RACGAP1: variants seen among roughly 807,000 people sequenced by gnomAD.
RACGAP1 encodes the protein Rac GTPase activating protein 1, also known as rac GTPase-activating protein 1.
In RACGAP1, 30 loss-of-function variants were observed where a neutral mutation model predicts 78.1. The ratio of observed to expected loss-of-function variants is 0.38; its 90% CI spans 0.29 to 0.52. The LOEUF is 0.52. Among genes scored for constraint, RACGAP1 ranks in the 20% least tolerant of loss-of-function variants. RACGAP1 has a pLI of 0.82. For synonymous variants in RACGAP1, 231 were observed against 264.8 expected, an observed-to-expected ratio of 0.87 and a Z score of 1.24; for missense variants, 587 against 777.1, an observed-to-expected ratio of 0.76 and a Z score of 2.91.
intron 1 of RACGAP1, among the ~76,000 whole-genome samples, chr12:50,022,142 T>C (rs1026495521): frequency 6.6e-6 from 1 of 152,226 alleles, no homozygotes; most frequent in Non-Finnish European, 1.5e-5. Flanking sequence ...TGGTCTTCCA[T>C]CCTTCAAGGT....
At chr12:50,004,193 G>C (rs1286612489) in intron 5 of RACGAP1, 42 bp downstream of exon 5, 8 of 1,582,074 alleles carry the variant, frequency 5.1e-6, no homozygotes. Context: ...GGAAGCAGAG[G>C]TAAGAAAAGT....
chr12:50,002,330 T>G (rs201400489), intron 5 of RACGAP1, 30 bp from the exon 6 acceptor site: 1 of 1,601,490 alleles, frequency 6.2e-7, no homozygotes, highest in Non-Finnish European at 8.5e-7. Flanking sequence ...ATTAATTTCT[T>G]TTTTTGGTTA....
At chr12:50,025,661 T>G (rs905803589), upstream of RACGAP1, 45 of 498,458 alleles carry the variant, frequency 9.0e-5, no homozygotes, top group Admixed American at 4.9e-4. Context: ...GGTTTTTCGG[T>G]TTTTTTTGTT....
rs1375934719 is a variant in RACGAP1, at chr12:49,992,708, G to A, written c.1340-53C>T. On this transcript the variant is annotated intron_variant, in intron 12 of 16. Coordinates refer to ENST00000312377, the MANE Select transcript of RACGAP1 (RefSeq NM_001319999.2). ...GCCTAGACTTCTTTCCCTTGACAGCGGGCTTCCAAGTTATCGACCACAAAG... is the reference window on the plus strand; with the variant it reads ...GCCTAGACTTCTTTCCCTTGACAGCAGGCTTCCAAGTTATCGACCACAAAG... 17 of 1,420,086 alleles carry A rather than the reference G, an allele frequency of 1.2e-5. No individual in the cohort carries two copies. In the Admixed American group the frequency reaches 1.4e-4, roughly 11 times the overall value. The allele number at this position is 1,420,086 out of a possible 1,614,324, so 88.0% of individuals were successfully genotyped here. A position where few individuals can be genotyped will look rare whatever the true frequency, so the allele number is the denominator to read the frequency against.
Position 50,002,288 on chromosome 12 carries a change from AAG to A in RACGAP1, c.506_507del (p.Ser169PhefsTer18). 6.2e-7 allele frequency: 1 copy of A among 1,613,622 alleles called. No individual in the cohort carries two copies. The highest frequency in any genetic ancestry group is 2.2e-5 in the East Asian group (1 of 44,842). On this transcript the variant is annotated frameshift_variant, in exon 6 of 17. Coordinates refer to ENST00000312377, the MANE Select transcript of RACGAP1 (RefSeq NM_001319999.2). LOFTEE classifies it high-confidence loss of function. Reference sequence around the variant, plus strand: ...TTCAGTTTGAAAGTCTTCACCAAAGAAGAGTCCCAATCCTGTTGACAATTACA... The same window carrying A: ...TTCAGTTTGAAAGTCTTCACCAAAGAAGTCCCAATCCTGTTGACAATTACA... ...DKTDESLDWD[S>X]SLVKTFKLKK...
At chr12:50,029,651 T>C (rs1327374159), upstream of RACGAP1, among the ~76,000 whole-genome samples, 2 of 152,008 alleles carry the variant, frequency 1.3e-5, no homozygotes, top group East Asian at 3.9e-4. Flanking sequence ...CCCAGAACTT[T>C]GGGAGGCCGA....
At chr12:49,990,492 A>C (rs1947761175) in intron 16 of RACGAP1, 149 bp from the exon 17 acceptor site, 3 of 833,902 alleles carry the variant, frequency 3.6e-6, no homozygotes. Context: ...AGTCACCAAC[A>C]ACGAGAGAGG....
At chr12:50,021,587 C>G (rs893367149) in intron 1 of RACGAP1, among the ~76,000 whole-genome samples, 1 of 152,196 alleles carries the variant, frequency 6.6e-6, no homozygotes, top group Non-Finnish European at 1.5e-5. Context: ...TGGGAAAAGT[C>G]TCTATCCTCT....
upstream of RACGAP1, chr12:50,033,138 T>A (rs2137782593): frequency 6.6e-6 from 1 of 152,634 alleles, no homozygotes; most frequent in Middle Eastern, 3.4e-3. Flanking sequence ...GGGTTCCGCC[T>A]CCCATGGCCT....
chr12:49,998,989 T>A (rs1283651022), intron 9 of RACGAP1, 152 bp downstream of exon 9: 1 of 963,220 alleles, frequency 1.0e-6, no homozygotes, highest in Admixed American at 3.6e-5. Flanking sequence ...AACTTACCTC[T>A]GTAACCAATA....
chr12:50,021,127 T>C (rs1176339935), intron 1 of RACGAP1: 2 of 982,628 alleles, frequency 2.0e-6, no homozygotes, highest in African/African-American at 3.6e-5. Flanking sequence ...CCCTCATGAA[T>C]ACTTGTTTAT....
rs1948904932 is a variant in RACGAP1, at chr12:50,005,269, C to A, written c.412G>T (p.Ala138Ser). ...LNRGQPSSSNAGNKRLSTIDE... is the reference protein window; with the variant it reads ...LNRGQPSSSNSGNKRLSTIDE... ...CAGTTCCTCCACCTTTTGTTCCCAG[C>A]ATTGCTGCTGGATGGTTGGCCTCTG... is the stretch of plus-strand genomic sequence containing the variant. Residue 138 changes from alanine (A) to serine (S), a missense_variant, in exon 4 of 17, where the codon GCT becomes TCT. By Grantham distance (99) the Ala-to-Ser change is moderately conservative. Transcript: ENST00000312377. 6.2e-7 allele frequency: 1 copy of A among 1,614,048 alleles called. No individual in the cohort carries two copies. The highest frequency in any genetic ancestry group is 1.7e-5 in the Admixed American group (1 of 60,000).
chr12:50,012,411 A>G lies in RACGAP1; in HGVS notation c.85+4220T>C, dbSNP rs995034655. 9.9e-5 allele frequency among the ~76,000 whole-genome samples: 15 copies of G among 151,796 alleles called. No individual in the cohort carries two copies. In the East Asian group the frequency reaches 2.2e-3, roughly 22 times the overall value. The stretch of plus-strand genomic sequence containing the variant: ...CCGTCTCTACTAAAAATACAAAAAA[A>G]TTAGCCAGGCGTGGTGGCACATGCC... On this transcript the variant is annotated intron_variant, in intron 2 of 16. Coordinates refer to ENST00000312377, the MANE Select transcript of RACGAP1 (RefSeq NM_001319999.2).
chr12:49,999,083 G>T, intron 9 of RACGAP1, 58 bp downstream of exon 9: 1 of 1,516,228 alleles, frequency 6.6e-7, no homozygotes, highest in Non-Finnish European at 8.8e-7. Context: ...CTTTATTCCT[G>T]GTATTTATTA....
At chr12:50,011,052 A>G (rs888831844) in intron 2 of RACGAP1, among the ~76,000 whole-genome samples, 11 of 152,124 alleles carry the variant, frequency 7.2e-5, no homozygotes, top group Admixed American at 6.6e-4. Context: ...TAAGAAGAGT[A>G]CAGGCTGGGC....
intron 1 of RACGAP1, among the ~76,000 whole-genome samples, chr12:50,032,158 T>TAAC (rs1427792455): frequency 6.6e-6 from 1 of 151,678 alleles, no homozygotes; most frequent in African/African-American, 2.4e-5. Context: ...AAATAAATAA[T>TAAC]AATAATAATA....
Position 50,006,506 on chromosome 12 carries a change from C to CG in RACGAP1, c.215_216insC (p.Lys73GlufsTer5). On this transcript the variant is annotated frameshift_variant, in exon 3 of 17. Transcript: ENST00000312377. LOFTEE classifies it high-confidence loss of function. ...CATCCACCTGATTACGTGCATGCTT[C>CG]AGCTTAACATCCAGAGCACTTCGCT... 6.2e-7 allele frequency: 1 copy of CG among 1,614,204 alleles called. No individual in the cohort carries two copies. Among genetic ancestry groups the CG allele is most frequent in the Non-Finnish European group, 8.5e-7 (1 of 1,180,024 alleles).
intron 2 of RACGAP1, among the ~76,000 whole-genome samples, chr12:50,013,727 C>T (rs141271226): frequency 6.6e-6 from 1 of 152,236 alleles, no homozygotes; most frequent in South Asian, 2.1e-4. Context: ...TAAAATACCC[C>T]CTTTCATCTC....
chr12:50,015,518 A>G (rs1442736398), intron 2 of RACGAP1, among the ~76,000 whole-genome samples: 1 of 152,074 alleles, frequency 6.6e-6, no homozygotes, highest in African/African-American at 2.4e-5. Context: ...AAAAATTTTT[A>G]AGGCCAGGCG....
Sources: gnomAD v4.1 joint callset for allele counts (sites outside exome capture counted in the v4.1 genomes callset) on GRCh38, gnomAD v4.1.1 for gene constraint, MANE v1.5 for transcripts, NCBI Gene and HGNC (gene_info 2026-07-23, HGNC 2026-07-21) for gene names.